The following TENM2 variants were observed in gnomAD, a reference collection of about 807,000 sequenced individuals.
The protein encoded by TENM2 is teneurin transmembrane protein 2.
TENM2 carries 52 observed loss-of-function variants against 245.2 expected under a neutral mutation model. That is an observed-to-expected ratio of 0.21 (90% confidence interval 0.17 to 0.27). The LOEUF (loss-of-function observed/expected upper bound fraction) is 0.27. Ranked by LOEUF, TENM2 falls within the 10% of genes least tolerant of loss-of-function variation. The pLI is 1.00. For synonymous variants in TENM2, 1,363 were observed against 1,438.9 expected (o/e 0.95, Z 1.19); for missense variants, 3,046 against 3,666.8 (o/e 0.83, Z 4.37).
intron 2 of TENM2, among the ~76,000 whole-genome samples, chr5:167,802,250 A>T (rs1765837541): frequency 6.6e-6 from 1 of 152,138 alleles, no homozygotes; most frequent in Non-Finnish European, 1.5e-5. Flanking sequence ...AAACATTCAA[A>T]ATATAGCAGT....
At chr5:167,329,694 A>C (rs1432659287) in intron 1 of TENM2, among the ~76,000 whole-genome samples, 1 of 151,890 alleles carries the variant, frequency 6.6e-6, no homozygotes, top group Non-Finnish European at 1.5e-5. Context: ...AAATTATTGA[A>C]TTGATCCAGC....
At chr5:167,816,221 C>T (rs13361383) in intron 2 of TENM2, among the ~76,000 whole-genome samples, 7,674 of 152,130 alleles carry the variant, frequency 0.05, 626 homozygotes, top group African/African-American at 0.17. Flanking sequence ...GTGTGGGGAA[C>T]ATGGAGCCAC....
chr5:168,050,777 G>T (rs1414414404), intron 6 of TENM2, among the ~76,000 whole-genome samples: 1 of 152,196 alleles, frequency 6.6e-6, no homozygotes, highest in Non-Finnish European at 1.5e-5. Context: ...TTAATTAGTT[G>T]GGAGAGTACA....
chr5:167,896,201 T>C (rs144385168), intron 3 of TENM2, among the ~76,000 whole-genome samples: 19 of 152,278 alleles, frequency 1.2e-4, no homozygotes, highest in African/African-American at 4.6e-4. Flanking sequence ...GGCATCCTAA[T>C]CATGATCAGT....
intron 1 of TENM2, among the ~76,000 whole-genome samples, chr5:167,355,186 A>G (rs1465797005): frequency 6.6e-6 from 1 of 152,220 alleles, no homozygotes; most frequent in Non-Finnish European, 1.5e-5. Context: ...AGTCTGAAAC[A>G]CGTACAGTGG....
chr5:167,747,028 A>G (rs1761636717), intron 2 of TENM2, among the ~76,000 whole-genome samples: 1 of 152,174 alleles, frequency 6.6e-6, no homozygotes, highest in African/African-American at 2.4e-5. Flanking sequence ...TTAAATAAAG[A>G]GATTAGTTAT....
chr5:167,181,502 G>A, the TENM2 span, among the ~76,000 whole-genome samples: 498 of 144,080 alleles, frequency 3.5e-3, 5 homozygotes, highest in African/African-American at 0.011. Context: ...GTGTGTGTGT[G>A]TATGTGTATT....
chr5:168,005,048 T>C (rs1437781135), intron 5 of TENM2, among the ~76,000 whole-genome samples: 2 of 152,150 alleles, frequency 1.3e-5, no homozygotes, highest in African/African-American at 2.4e-5. Context: ...GGAGAAAGTG[T>C]CTGTATTTCT....
the TENM2 span, among the ~76,000 whole-genome samples, chr5:167,081,677 C>T: frequency 1.3e-5 from 2 of 152,120 alleles, no homozygotes; most frequent in Admixed American, 6.5e-5. Flanking sequence ...CTATTACATG[C>T]CAGCTACTGA....
At chr5:167,707,129 G>A (rs1006993364) in intron 2 of TENM2, among the ~76,000 whole-genome samples, 1 of 151,498 alleles carries the variant, frequency 6.6e-6, no homozygotes, top group Non-Finnish European at 1.5e-5. Flanking sequence ...TGATATCTCA[G>A]TGTGGTTTTG....
At chr5:168,186,191 C>T (rs1442685090) in intron 13 of TENM2, 1 of 151,922 alleles carries the variant, frequency 6.6e-6, no homozygotes, top group Non-Finnish European at 1.5e-5. Flanking sequence ...GCCAGGCTGT[C>T]ACCTCTGATG....
At chr5:167,765,514 G>C (rs925143851) in intron 2 of TENM2, among the ~76,000 whole-genome samples, 3 of 152,204 alleles carry the variant, frequency 2.0e-5, no homozygotes, top group African/African-American at 7.2e-5. Context: ...TCTCTTGTAT[G>C]ATCTTGCATC....
chr5:167,426,533 C>T (rs1763836431), intron 2 of TENM2, among the ~76,000 whole-genome samples: 1 of 134,496 alleles, frequency 7.4e-6, no homozygotes, highest in African/African-American at 2.9e-5. Flanking sequence ...AACATAGTGA[C>T]ACCTTGCCTT....
chr5:168,112,999 A>G (rs1237225986), intron 9 of TENM2, among the ~76,000 whole-genome samples: 2 of 151,960 alleles, frequency 1.3e-5, no homozygotes, highest in Non-Finnish European at 2.9e-5. Context: ...AAGTATTTTC[A>G]CCTCTCTTTT....
intron 2 of TENM2, among the ~76,000 whole-genome samples, chr5:167,726,732 T>G (rs1329498678): frequency 6.6e-6 from 1 of 152,184 alleles, no homozygotes; most frequent in African/African-American, 2.4e-5. Flanking sequence ...ATGCTGAGAT[T>G]GTAGACATGA....
intron 2 of TENM2, among the ~76,000 whole-genome samples, chr5:167,604,001 T>A (rs150896506): frequency 6.6e-6 from 1 of 152,198 alleles, no homozygotes; most frequent in South Asian, 2.1e-4. Context: ...AATAAACAGC[T>A]GCCTGCTGTA....
At chr5:168,181,593 A>G (rs1024861956) in intron 13 of TENM2, among the ~76,000 whole-genome samples, 1 of 152,126 alleles carries the variant, frequency 6.6e-6, no homozygotes, top group Non-Finnish European at 1.5e-5. Context: ...GAGTCTGACC[A>G]AAAGAGTTGG....
At chr5:167,827,948 C>A (rs1325030002) in intron 2 of TENM2, among the ~76,000 whole-genome samples, 3 of 152,166 alleles carry the variant, frequency 2.0e-5, no homozygotes, top group South Asian at 4.1e-4. Flanking sequence ...CCTTCCCACA[C>A]CTGCCCCACC....
chr5:167,568,214 T>C (rs1040345917), intron 2 of TENM2, among the ~76,000 whole-genome samples: 3 of 152,116 alleles, frequency 2.0e-5, no homozygotes, highest in African/African-American at 7.2e-5. Context: ...GCTAATATAA[T>C]GTAGAAAAAA....
Sources: allele counts gnomAD v4.1 joint callset (sites outside exome capture counted in the v4.1 genomes callset), GRCh38; gene constraint gnomAD v4.1.1; transcripts MANE v1.5; gene names NCBI Gene and HGNC (gene_info 2026-07-23, HGNC 2026-07-21).